TMEM167A: variants seen among roughly 807,000 people sequenced by gnomAD.
The protein encoded by TMEM167A is protein kish-A.
A neutral mutation model predicts 11.6 loss-of-function variants in TMEM167A; 8 were observed. The observed-to-expected ratio is 0.69, with a 90% CI of 0.40 to 1.24. TMEM167A has a LOEUF of 1.24. Ranked by LOEUF, TMEM167A falls within the 50% of genes most tolerant of loss-of-function variation. The pLI, the probability that TMEM167A is intolerant of heterozygous loss-of-function variation, is 0.01. For missense variants in TMEM167A, 62 were observed against 87.0 expected, an observed-to-expected ratio of 0.71 and a Z score of 1.14; for synonymous variants, 22 against 28.0, an observed-to-expected ratio of 0.79 and a Z score of 0.67.
rs760916488 is a variant in TMEM167A at position 83,053,749 on chromosome 5, T to G, written c.*3335A>C. The G allele has an allele frequency of 6.6e-6, 1 of 152,092 alleles. No individual in the cohort carries two copies. The highest frequency in any genetic ancestry group is 1.5e-5 in the Non-Finnish European group (1 of 67,962). The allele number at this position is 152,092 out of a possible 1,614,324, so 9.4% of individuals were successfully genotyped here. A position where few individuals can be genotyped will look rare whatever the true frequency, so the allele number is the denominator to read the frequency against. On this transcript the variant is annotated 3_prime_UTR_variant, in exon 4 of 4. Transcript: ENST00000502346. ...AACAGACTACTGTGCTTTTGCACAA[T>G]GCTCTCAAGTTCAGCTTAAGCAGTG...
intron 1 of TMEM167A, among the ~76,000 whole-genome samples, chr5:83,067,157 C>T (rs1253642067): frequency 6.6e-6 from 1 of 151,800 alleles, no homozygotes; most frequent in Non-Finnish European, 1.5e-5. Context: ...TAAAGTGAAC[C>T]CAATACCAAC....
Position 83,053,107 on chromosome 5 carries a change from T to C in TMEM167A, c.*3977A>G, listed in dbSNP as rs1349943541. On this transcript the variant is annotated 3_prime_UTR_variant, in exon 4 of 4. Transcript: ENST00000502346. ...TTGCTTAGTAATAACCACAAGGTTG[T>C]ACAGCGTTCACAATGCTGGTATTAA... The C allele has an allele frequency of 6.6e-6, 1 of 151,938 alleles. No individual in the cohort carries two copies. Among genetic ancestry groups the C allele is most frequent in the Non-Finnish European group, 1.5e-5 (1 of 67,898 alleles). 9.4% of individuals were successfully genotyped at this position (151,938 alleles called of 1,614,324 possible). A position where few individuals can be genotyped will look rare whatever the true frequency, so the allele number is the denominator to read the frequency against.
intron 1 of TMEM167A, 49 bp downstream of exon 1, chr5:83,077,272 A>G (rs1744697911): frequency 6.2e-7 from 1 of 1,614,026 alleles, no homozygotes; most frequent in Non-Finnish European, 8.5e-7. Context: ...GTCTAGATCC[A>G]CAACCCCTTC....
chr5:83,054,166 C>T lies in TMEM167A; in HGVS notation c.*2918G>A, dbSNP rs1224528064. ...ATTGCAAGTTACACGTTACTATCAT[C>T]CCCTGGTATGAAAGAGCGATTTTGA... On this transcript the variant is annotated 3_prime_UTR_variant, in exon 4 of 4. Transcript: ENST00000502346. The T allele has an allele frequency of 6.6e-6, 1 of 151,956 alleles. No individual in the cohort carries two copies. The highest frequency in any genetic ancestry group is 2.4e-5 in the African/African-American group (1 of 41,356). 9.4% of individuals were successfully genotyped at this position (151,956 alleles called of 1,614,324 possible).
chr5:83,070,678 A>C (rs1305570596), intron 1 of TMEM167A, among the ~76,000 whole-genome samples: 1 of 152,160 alleles, frequency 6.6e-6, no homozygotes, highest in Non-Finnish European at 1.5e-5. Flanking sequence ...AATGTTGACA[A>C]ACCTCTAAAA....
chr5:83,058,693 A>G (rs1261682868), intron 3 of TMEM167A, among the ~76,000 whole-genome samples: 1 of 152,094 alleles, frequency 6.6e-6, no homozygotes, highest in East Asian at 1.9e-4. Flanking sequence ...CATATGGTGG[A>G]AATTAATTTT....
chr5:83,053,253 A>G lies in TMEM167A; in HGVS notation c.*3831T>C, dbSNP rs545270682. On this transcript the variant is annotated 3_prime_UTR_variant, in exon 4 of 4. Transcript: ENST00000502346. ...AGTAACTTCTCAAAGGCTTTGCAAA[A>G]AGCGTAAGTCCTTGCTTTTTGAGAA... 6.6e-6 allele frequency: 1 copy of G among 152,090 alleles called. No individual in the cohort carries two copies. The highest frequency in any genetic ancestry group is 1.9e-4 in the East Asian group (1 of 5,182). 9.4% of individuals were successfully genotyped at this position (152,090 alleles called of 1,614,324 possible).
At chr5:83,061,662 TG>T (rs1198824109) in intron 3 of TMEM167A, among the ~76,000 whole-genome samples, 2 of 152,234 alleles carry the variant, frequency 1.3e-5, no homozygotes, top group East Asian at 3.9e-4. Context: ...CAAAAAGTGC[TG>T]GGACTACAGG....
chr5:83,070,205 C>T (rs1282867243), intron 1 of TMEM167A, among the ~76,000 whole-genome samples: 1 of 150,904 alleles, frequency 6.6e-6, no homozygotes, highest in African/African-American at 2.4e-5. Flanking sequence ...TCTTTTAATT[C>T]TTAAGAGATA....
At chr5:83,077,170 C>G (rs1744693808) in intron 1 of TMEM167A, 151 bp downstream of exon 1, 1 of 1,116,654 alleles carries the variant, frequency 9.0e-7, no homozygotes, top group Non-Finnish European at 1.3e-6. Context: ...CGTCCTGATT[C>G]TCTCTGGTTG....
At chr5:83,066,500 A>G (rs2112244680) in intron 1 of TMEM167A, among the ~76,000 whole-genome samples, 1 of 152,362 alleles carries the variant, frequency 6.6e-6, no homozygotes, top group South Asian at 2.1e-4. Flanking sequence ...TTCAGGAGAA[A>G]GACAATGGAA....
intron 1 of TMEM167A, among the ~76,000 whole-genome samples, chr5:83,075,097 A>C (rs1744621632): frequency 6.6e-6 from 1 of 152,164 alleles, no homozygotes; most frequent in African/African-American, 2.4e-5. Context: ...GTGACTGTAG[A>C]GATTAAAATA....
chr5:83,057,751 G>A (rs1026376576), intron 3 of TMEM167A, among the ~76,000 whole-genome samples: 7 of 152,062 alleles, frequency 4.6e-5, no homozygotes, highest in Non-Finnish European at 5.9e-5. Context: ...TAGAAAAGTA[G>A]AACTAAAACT....
chr5:83,074,674 A>G (rs1287779641), intron 1 of TMEM167A, among the ~76,000 whole-genome samples: 1 of 152,222 alleles, frequency 6.6e-6, no homozygotes. Context: ...TTGTCTTGCT[A>G]CAACATAGCA....
intron 2 of TMEM167A, chr5:83,064,123 GT>G: frequency 5.3e-6 from 2 of 380,090 alleles, no homozygotes; most frequent in Non-Finnish European, 1.0e-5. Context: ...AGAAATAAAG[GT>G]TTTAAAAAAA....
In TMEM167A at chr5:83,053,386, AAG is replaced by A. The variant is rs1401247951; in HGVS notation, c.*3696_*3697del. ...TTTGGTATCAAGAGTATGAGCTATT[AAG>A]AGTTTCTAAAAATACTGACCTAACT... On this transcript the variant is annotated 3_prime_UTR_variant, in exon 4 of 4. Transcript: ENST00000502346. 1.3e-5 allele frequency: 2 copies of A among 151,870 alleles called. No individual in the cohort carries two copies. Among genetic ancestry groups the A allele is most frequent in the Non-Finnish European group, 2.9e-5 (2 of 67,880 alleles). The allele number at this position is 151,870 out of a possible 1,614,324, so 9.4% of individuals were successfully genotyped here.
chr5:83,063,381 T>C (rs1425630672), intron 2 of TMEM167A, among the ~76,000 whole-genome samples: 2 of 152,120 alleles, frequency 1.3e-5, no homozygotes, highest in Admixed American at 1.3e-4. Context: ...GTGATAACTC[T>C]AGGTATCACT....
Position 83,053,600 on chromosome 5 carries a change from G to A in TMEM167A, c.*3484C>T, listed in dbSNP as rs1458308202. 2 of 151,928 alleles carry A rather than the reference G, an allele frequency of 1.3e-5. No homozygotes were observed. Among genetic ancestry groups the A allele is most frequent in the African/African-American group, 4.8e-5 (2 of 41,392 alleles). 9.4% of individuals were successfully genotyped at this position (151,928 alleles called of 1,614,324 possible). A position where few individuals can be genotyped will look rare whatever the true frequency, so the allele number is the denominator to read the frequency against. ...CAGGAGGAAAAACATATTCAATTTTGAGGTAGGTAATCAACAGGAATGAGA... is the reference window on the plus strand; with the variant it reads ...CAGGAGGAAAAACATATTCAATTTTAAGGTAGGTAATCAACAGGAATGAGA... On this transcript the variant is annotated 3_prime_UTR_variant, in exon 4 of 4. Coordinates refer to ENST00000502346, the MANE Select transcript of TMEM167A (RefSeq NM_174909.5).
chr5:83,073,281 A>G (rs1173787956), intron 1 of TMEM167A, among the ~76,000 whole-genome samples: 2 of 152,196 alleles, frequency 1.3e-5, no homozygotes, highest in Non-Finnish European at 2.9e-5. Context: ...CTTAACGAAA[A>G]CAGTAAGCCC....
Sources: allele counts gnomAD v4.1 joint callset (sites outside exome capture counted in the v4.1 genomes callset), GRCh38; gene constraint gnomAD v4.1.1; transcripts MANE v1.5; gene names NCBI Gene and HGNC (gene_info 2026-07-23, HGNC 2026-07-21).